The following DPP10 variants were observed in gnomAD, a reference collection of about 807,000 sequenced individuals.
DPP10 encodes the protein dipeptidyl peptidase like 10, also known as inactive dipeptidyl peptidase 10.
A neutral mutation model predicts 120.9 loss-of-function variants in DPP10; 33 were observed. The ratio of observed to expected loss-of-function variants is 0.27; its 90% CI spans 0.21 to 0.37. The LOEUF is 0.37. DPP10 is among the 10% of genes least tolerant of loss of function. The pLI is 1.00. For missense variants in DPP10, 816 were observed against 942.8 expected, an observed-to-expected ratio of 0.87 and a Z score of 1.76; for synonymous variants, 337 against 326.1, an observed-to-expected ratio of 1.03 and a Z score of -0.36.
chr2:115,148,004 T>C (rs2051326256), intron 1 of DPP10, among the ~76,000 whole-genome samples: 1 of 152,038 alleles, frequency 6.6e-6, no homozygotes, highest in African/African-American at 2.4e-5. Context: ...AAAGGAATCT[T>C]AGACACATGA....
intron 1 of DPP10, among the ~76,000 whole-genome samples, chr2:114,745,826 A>T (rs1240072774): frequency 6.6e-6 from 1 of 152,222 alleles, no homozygotes; most frequent in Non-Finnish European, 1.5e-5. Flanking sequence ...CTCCCAAGTC[A>T]GGAGGCCTCT....
At chr2:115,467,674 A>G (rs1164863186) in intron 3 of DPP10, among the ~76,000 whole-genome samples, 2 of 152,186 alleles carry the variant, frequency 1.3e-5, no homozygotes, top group Non-Finnish European at 2.9e-5. Context: ...ACTGCAATTT[A>G]ATATGATGAA....
At chr2:114,690,378 A>G (rs1699657056) in intron 1 of DPP10, among the ~76,000 whole-genome samples, 1 of 152,040 alleles carries the variant, frequency 6.6e-6, no homozygotes, top group Non-Finnish European at 1.5e-5. Flanking sequence ...ATTTTGTCAA[A>G]TATCAGATGG....
chr2:114,504,871 G>T (rs1168967227), intron 1 of DPP10, among the ~76,000 whole-genome samples: 1 of 151,836 alleles, frequency 6.6e-6, no homozygotes. Flanking sequence ...GGCCAATATG[G>T]CAAAACCCCA....
intron 1 of DPP10, among the ~76,000 whole-genome samples, chr2:114,898,527 T>C (rs1574444894): frequency 6.7e-6 from 1 of 150,250 alleles, no homozygotes; most frequent in Non-Finnish European, 1.5e-5. Flanking sequence ...AAAATAAAGG[T>C]GGTAGGAAAT....
intron 1 of DPP10, among the ~76,000 whole-genome samples, chr2:114,965,366 A>G (rs1355472976): frequency 6.6e-6 from 1 of 151,908 alleles, no homozygotes; most frequent in African/African-American, 2.4e-5. Context: ...CAAACTCCTG[A>G]CCTCAGGTGA....
At chr2:114,679,255 C>CA (rs1434725626) in intron 1 of DPP10, among the ~76,000 whole-genome samples, 2 of 151,920 alleles carry the variant, frequency 1.3e-5, no homozygotes, top group African/African-American at 4.8e-5. Context: ...TGTTGTAATA[C>CA]AAAAAAGCCT....
intron 1 of DPP10, among the ~76,000 whole-genome samples, chr2:114,557,884 T>C (rs1688450006): frequency 6.6e-6 from 1 of 152,194 alleles, no homozygotes; most frequent in African/African-American, 2.4e-5. Flanking sequence ...CACAGAGTTG[T>C]TGACATGGGA....
intron 3 of DPP10, among the ~76,000 whole-genome samples, chr2:115,376,419 C>A (rs1031245211): frequency 2.0e-5 from 3 of 151,730 alleles, no homozygotes; most frequent in Non-Finnish European, 4.4e-5. Flanking sequence ...ATTGTATTAC[C>A]AAGTGGAGGG....
chr2:115,420,941 G>T (rs914261390), intron 3 of DPP10, among the ~76,000 whole-genome samples: 5 of 152,182 alleles, frequency 3.3e-5, no homozygotes, highest in Non-Finnish European at 7.4e-5. Context: ...AGTAGATGGG[G>T]ATAGAATCTA....
chr2:115,829,689 A>T (rs1688728465), intron 21 of DPP10, among the ~76,000 whole-genome samples: 1 of 152,078 alleles, frequency 6.6e-6, no homozygotes, highest in African/African-American at 2.4e-5. Flanking sequence ...GTAGAATTTT[A>T]TAGCTTTCTT....
chr2:114,685,046 T>C (rs1699273940), intron 1 of DPP10, among the ~76,000 whole-genome samples: 1 of 152,020 alleles, frequency 6.6e-6, no homozygotes, highest in Non-Finnish European at 1.5e-5. Context: ...TGTTTGTACA[T>C]GAACTTTCTG....
At chr2:114,871,965 G>T (rs1279454937) in intron 1 of DPP10, among the ~76,000 whole-genome samples, 3 of 152,152 alleles carry the variant, frequency 2.0e-5, no homozygotes, top group African/African-American at 7.2e-5. Context: ...CTCCTTATGA[G>T]AATCTAATGC....
intron 1 of DPP10, among the ~76,000 whole-genome samples, chr2:114,677,262 C>T (rs936736021): frequency 1.3e-5 from 2 of 152,072 alleles, no homozygotes; most frequent in Non-Finnish European, 2.9e-5. Context: ...TTGTGGAATA[C>T]GCACACAAGA....
At chr2:115,214,454 A>C (rs894648509) in intron 1 of DPP10, among the ~76,000 whole-genome samples, 1 of 152,164 alleles carries the variant, frequency 6.6e-6, no homozygotes, top group Non-Finnish European at 1.5e-5. Context: ...TTTTGAAATT[A>C]TCTGTATCAA....
chr2:114,705,256 T>C, intron 1 of DPP10, among the ~76,000 whole-genome samples: 1 of 152,168 alleles, frequency 6.6e-6, no homozygotes, highest in East Asian at 1.9e-4. Context: ...TAATATGACA[T>C]AATCTTTTAG....
chr2:114,479,561 C>T (rs978962282), intron 1 of DPP10, among the ~76,000 whole-genome samples: 1 of 152,084 alleles, frequency 6.6e-6, no homozygotes, highest in African/African-American at 2.4e-5. Context: ...AATAATGCCG[C>T]ATATCTACAA....
intron 1 of DPP10, among the ~76,000 whole-genome samples, chr2:115,118,983 A>T (rs2049680560): frequency 6.6e-6 from 1 of 152,172 alleles, no homozygotes; most frequent in Non-Finnish European, 1.5e-5. Flanking sequence ...AAGCAAGTCA[A>T]GTACACTAGG....
rs185823325 is a variant in DPP10, at chr2:115,843,407, C to T, written c.*1062C>T. ...ACTCTTGGTCCTTTTACTTCTTTCT[C>T]TCAGTGCAGAATCAATTCTCATTTT... is the stretch of plus-strand genomic sequence containing the variant. On this transcript the variant is annotated 3_prime_UTR_variant, in exon 26 of 26. Coordinates refer to ENST00000410059, the MANE Select transcript of DPP10 (RefSeq NM_020868.6). The T allele has an allele frequency of 6.6e-6, 1 of 152,650 alleles. No homozygotes were observed. The highest frequency in any genetic ancestry group is 6.5e-5 in the Admixed American group (1 of 15,288). 9.5% of individuals were successfully genotyped at this position (152,650 alleles called of 1,614,324 possible). A position where few individuals can be genotyped will look rare whatever the true frequency, so the allele number is the denominator to read the frequency against.
Sources: gnomAD v4.1 joint callset for allele counts (sites outside exome capture counted in the v4.1 genomes callset) on GRCh38, gnomAD v4.1.1 for gene constraint, MANE v1.5 for transcripts, NCBI Gene and HGNC (gene_info 2026-07-23, HGNC 2026-07-21) for gene names.